The following ZNF536 variants were observed in gnomAD, a reference collection of about 807,000 sequenced individuals.
ZNF536 encodes zinc finger protein 536.
In ZNF536, 13 loss-of-function variants were observed where a neutral mutation model predicts 84.5. The ratio of observed to expected loss-of-function variants is 0.15; its 90% CI spans 0.10 to 0.24. The LOEUF is 0.24. Ranked by LOEUF, ZNF536 falls within the 10% of genes least tolerant of loss-of-function variation. The probability of loss-of-function intolerance (pLI) is 1.00; values close to 1 mark genes in which losing one functional copy is unlikely to be tolerated. For synonymous variants in ZNF536, 811 were observed against 742.5 expected (o/e 1.09, Z -1.50); for missense variants, 1,536 against 1,747.5 (o/e 0.88, Z 2.16).
intron 2 of ZNF536, among the ~76,000 whole-genome samples, chr19:30,459,267 A>T (rs1270315190): frequency 1.7e-4 from 22 of 126,922 alleles, no homozygotes; most frequent in Non-Finnish European, 2.4e-4. Context: ...TTGAATGTTT[A>T]TTTCATTTGG....
At chr19:30,385,829 C>T (rs1050943582) in intron 1 of ZNF536, among the ~76,000 whole-genome samples, 1 of 152,176 alleles carries the variant, frequency 6.6e-6, no homozygotes, top group Non-Finnish European at 1.5e-5. Flanking sequence ...CCTGGAGGTC[C>T]CTTCAGTGAT....
At position 30,431,224 on chromosome 19, in the gene ZNF536, G is replaced by A. The variant is rs954880525; in HGVS notation, c.-2-12337G>A. Among the ~76,000 whole-genome samples the A allele has an allele frequency of 3.9e-5, 6 of 152,238 alleles. No individual in the cohort carries two copies. The South Asian group carries it at 1.2e-3, about 32-fold the overall frequency. ...ACCTGCGTTGAGGGGGTCAGAGTCA[G>A]TCTTCCCTCCTCTCCCAGGAGGCCA... On this transcript the variant is annotated intron_variant, in intron 1 of 4. Coordinates refer to ENST00000355537, the MANE Select transcript of ZNF536 (RefSeq NM_014717.3).
chr19:30,691,847 C>T (rs568832468), intron 1 of ZNF536, among the ~76,000 whole-genome samples: 9 of 152,270 alleles, frequency 5.9e-5, no homozygotes, highest in African/African-American at 2.2e-4. Context: ...TAAAAGTGGA[C>T]AAATGAAAGG....
intron 1 of ZNF536, among the ~76,000 whole-genome samples, chr19:30,619,303 T>C (rs559293606): frequency 6.6e-6 from 1 of 152,330 alleles, no homozygotes; most frequent in Admixed American, 6.5e-5. Flanking sequence ...CAGATACTAA[T>C]TTTTTCTTGC....
At chr19:30,547,018 ATTATC>A (rs960535437) in intron 3 of ZNF536, among the ~76,000 whole-genome samples, 15 of 152,286 alleles carry the variant, frequency 9.8e-5, no homozygotes, top group African/African-American at 3.1e-4. Context: ...ATTCATGAAA[ATTATC>A]TTATATGTTT....
chr19:30,546,276 A>G (rs1599758083), intron 3 of ZNF536, among the ~76,000 whole-genome samples: 1 of 152,242 alleles, frequency 6.6e-6, no homozygotes, highest in Non-Finnish European at 1.5e-5. Context: ...CCTTTACCCC[A>G]AAGGGGATAG....
At chr19:30,419,514 T>C (rs1474626741) in intron 1 of ZNF536, among the ~76,000 whole-genome samples, 1 of 152,238 alleles carries the variant, frequency 6.6e-6, no homozygotes, top group East Asian at 1.9e-4. Flanking sequence ...TATGTCATCA[T>C]TACAAACACA....
At chr19:30,488,268 T>C (rs2145036182) in intron 2 of ZNF536, among the ~76,000 whole-genome samples, 1 of 152,308 alleles carries the variant, frequency 6.6e-6, no homozygotes, top group East Asian at 1.9e-4. Flanking sequence ...TCTCCCTTTT[T>C]TTCAGTCCTG....
At chr19:30,587,588 C>T (rs1455335639) in intron 1 of ZNF536, among the ~76,000 whole-genome samples, 2 of 152,206 alleles carry the variant, frequency 1.3e-5, no homozygotes, top group African/African-American at 4.8e-5. Context: ...CCTGCTCCAG[C>T]ATGCCATCAC....
intron 2 of ZNF536, among the ~76,000 whole-genome samples, chr19:30,461,549 A>T (rs1042649669): frequency 6.6e-6 from 1 of 152,086 alleles, no homozygotes; most frequent in Admixed American, 6.5e-5. Flanking sequence ...GACCCCCCAG[A>T]GCTGTGGTTG....
intron 2 of ZNF536, among the ~76,000 whole-genome samples, chr19:30,448,944 G>C (rs145537320): frequency 1.5e-4 from 23 of 152,332 alleles, no homozygotes; most frequent in South Asian, 2.1e-4. Context: ...GGATGCAGCT[G>C]TTTGTTATGT....
chr19:30,633,039 A>G (rs1435523958), intron 1 of ZNF536, among the ~76,000 whole-genome samples: 7 of 152,228 alleles, frequency 4.6e-5, no homozygotes, highest in Admixed American at 1.3e-4. Context: ...AGATGATCAA[A>G]GAGGAAGAAC....
rs1482098188 is a variant in ZNF536, at chr19:30,438,687, G to A, written c.-2-4874G>A. On this transcript the variant is annotated intron_variant, in intron 1 of 4. Transcript: ENST00000355537. Reference sequence around the variant, plus strand: ...AAAAATTATCTTTTAAATTATTTTTGTTTTTTGAGACAAGGTCTCATTCCC... The same window carrying A: ...AAAAATTATCTTTTAAATTATTTTTATTTTTTGAGACAAGGTCTCATTCCC... Among the ~76,000 whole-genome samples, 3 of 152,094 alleles carry A rather than the reference G, an allele frequency of 2.0e-5. No homozygotes were observed. The East Asian group carries it at 5.8e-4, about 29-fold the overall frequency.
intron 2 of ZNF536, among the ~76,000 whole-genome samples, chr19:30,287,666 GTGGGTGGATGGATGGA>G (rs2045691337): frequency 1.6e-5 from 1 of 61,432 alleles, no homozygotes; most frequent in South Asian, 7.0e-4. Context: ...GGATGGATGG[GTGGGTGGATGGATGGA>G]TGGATGGATG....
chr19:30,658,018 T>C (rs1432333882), intron 1 of ZNF536, among the ~76,000 whole-genome samples: 4 of 147,848 alleles, frequency 2.7e-5, no homozygotes, highest in Non-Finnish European at 5.9e-5. Flanking sequence ...GGCTTTCCAT[T>C]CCCCCCCCCC....
At chr19:30,597,199 G>T (rs2047497919) in intron 1 of ZNF536, among the ~76,000 whole-genome samples, 1 of 152,216 alleles carries the variant, frequency 6.6e-6, no homozygotes, top group Non-Finnish European at 1.5e-5. Flanking sequence ...CTGTGGGATG[G>T]TCCCCCTAGG....
chr19:30,345,045 C>A (rs746360151), intron 2 of ZNF536, among the ~76,000 whole-genome samples: 1 of 152,336 alleles, frequency 6.6e-6, no homozygotes, highest in East Asian at 1.9e-4. Context: ...GCTACTAACT[C>A]GGTACCAGGC....
At chr19:30,266,981 C>T (rs1046534779) in intron 1 of ZNF536, among the ~76,000 whole-genome samples, 1 of 152,108 alleles carries the variant, frequency 6.6e-6, no homozygotes, top group African/African-American at 2.4e-5. Flanking sequence ...GAAATGCATC[C>T]TAGTAGTTGT....
chr19:30,277,672 C>T (rs181592094), intron 1 of ZNF536, among the ~76,000 whole-genome samples: 1 of 152,294 alleles, frequency 6.6e-6, no homozygotes, highest in East Asian at 1.9e-4. Flanking sequence ...TGCACATACC[C>T]ACACACACAC....
Sources: gnomAD v4.1 joint callset for allele counts (sites outside exome capture counted in the v4.1 genomes callset) on GRCh38, gnomAD v4.1.1 for gene constraint, MANE v1.5 for transcripts, NCBI Gene and HGNC (gene_info 2026-07-23, HGNC 2026-07-21) for gene names.